Variants in SPMIP2 observed in about 807,000 individuals in gnomAD.
SPMIP2 encodes sperm microtubule inner protein 2.
chr4:158,987,589 T>C, the SPMIP2 span, among the ~76,000 whole-genome samples: 6 of 151,582 alleles, frequency 4.0e-5, no homozygotes, highest in South Asian at 4.2e-4. Flanking sequence ...TGAGAACACA[T>C]GGACACAGAA....
the SPMIP2 span, among the ~76,000 whole-genome samples, chr4:158,894,413 C>G: frequency 1.3e-5 from 2 of 151,950 alleles, no homozygotes; most frequent in Non-Finnish European, 2.9e-5. Flanking sequence ...CTCAAGTGAT[C>G]CTCCTACCTC....
At chr4:158,946,197 G>C in the SPMIP2 span, among the ~76,000 whole-genome samples, 1 of 152,108 alleles carries the variant, frequency 6.6e-6, no homozygotes, top group Non-Finnish European at 1.5e-5. Flanking sequence ...CCCCAACTTG[G>C]CATCAAGTAA....
chr4:159,038,389 T>G, the SPMIP2 span, among the ~76,000 whole-genome samples: 6 of 152,192 alleles, frequency 3.9e-5, no homozygotes, highest in Non-Finnish European at 7.3e-5. Flanking sequence ...TTCTTGTTAG[T>G]GTGATTGAAC....
chr4:158,932,053 G>A, the SPMIP2 span, among the ~76,000 whole-genome samples: 2 of 152,080 alleles, frequency 1.3e-5, no homozygotes, highest in East Asian at 3.9e-4. Context: ...ACTTTGGGAG[G>A]CTGAGGTGGG....
chr4:158,960,244 A>T, the SPMIP2 span: 1 of 1,179,402 alleles, frequency 8.5e-7, no homozygotes, highest in Admixed American at 2.1e-5. Flanking sequence ...AATTTAGGAA[A>T]GAAACACAGT....
chr4:159,060,782 G>A, the SPMIP2 span, among the ~76,000 whole-genome samples: 6 of 152,218 alleles, frequency 3.9e-5, no homozygotes, highest in Middle Eastern at 3.4e-3. Flanking sequence ...TCATAGAGTA[G>A]TATTAAGTAT....
At chr4:159,007,506 T>G in the SPMIP2 span, 4 of 820,394 alleles carry the variant, frequency 4.9e-6, no homozygotes, top group Non-Finnish European at 8.2e-6. Context: ...CACCTGATCC[T>G]CAAGATTGAA....
At chr4:159,005,761 G>T in the SPMIP2 span, among the ~76,000 whole-genome samples, 2 of 152,120 alleles carry the variant, frequency 1.3e-5, no homozygotes, top group Non-Finnish European at 2.9e-5. Context: ...AAAGTTATTT[G>T]TACCTGTTTT....
At chr4:158,914,776 G>A in the SPMIP2 span, among the ~76,000 whole-genome samples, 2 of 152,116 alleles carry the variant, frequency 1.3e-5, no homozygotes, top group African/African-American at 2.4e-5. Flanking sequence ...ATAGTTTAGG[G>A]GACAACCTAG....
chr4:159,075,130 G>T, the SPMIP2 span, among the ~76,000 whole-genome samples: 2 of 152,206 alleles, frequency 1.3e-5, 1 homozygote, highest in Middle Eastern at 6.3e-3. Flanking sequence ...AGAGTCCATT[G>T]ATGTAGTCCT....
the SPMIP2 span, among the ~76,000 whole-genome samples, chr4:159,045,265 A>G: frequency 6.6e-6 from 1 of 152,224 alleles, no homozygotes; most frequent in African/African-American, 2.4e-5. Context: ...TCTAATTACT[A>G]TAAAAAGTTT....
chr4:159,007,521 G>A, the SPMIP2 span: 1 of 869,364 alleles, frequency 1.2e-6, no homozygotes, highest in Non-Finnish European at 1.9e-6. Flanking sequence ...ATTGAAGATG[G>A]ATGATTTTGG....
chr4:158,946,333 G>T, the SPMIP2 span, among the ~76,000 whole-genome samples: 1 of 152,200 alleles, frequency 6.6e-6, no homozygotes, highest in East Asian at 1.9e-4. Flanking sequence ...TGCATTCTGA[G>T]ATGAAGAATA....
At chr4:159,026,410 C>G in the SPMIP2 span, 1 of 977,676 alleles carries the variant, frequency 1.0e-6, no homozygotes, top group Non-Finnish European at 1.6e-6. Context: ...GGTTCAGCAT[C>G]AGGAGTGGGA....
chr4:159,040,715 C>T, the SPMIP2 span, among the ~76,000 whole-genome samples: 1 of 152,280 alleles, frequency 6.6e-6, no homozygotes, highest in East Asian at 1.9e-4. Context: ...ATCCTCCTAC[C>T]TCAGCCTCCC....
chr4:159,025,270 T>C, the SPMIP2 span, among the ~76,000 whole-genome samples: 2 of 152,188 alleles, frequency 1.3e-5, no homozygotes, highest in Non-Finnish European at 2.9e-5. Context: ...GTTCAAGCAA[T>C]TCTCCTGCTT....
chr4:159,046,955 C>T, the SPMIP2 span, among the ~76,000 whole-genome samples: 2 of 152,144 alleles, frequency 1.3e-5, no homozygotes, highest in African/African-American at 4.8e-5. Context: ...GAAGAATGAT[C>T]GATCCATAAG....
the SPMIP2 span, among the ~76,000 whole-genome samples, chr4:159,010,079 G>C: frequency 6.6e-6 from 1 of 152,164 alleles, no homozygotes; most frequent in African/African-American, 2.4e-5. Context: ...GCAAAATCCC[G>C]GTGCTGAAAT....
chr4:158,946,375 ACCCAAATCGAAT>A, the SPMIP2 span, among the ~76,000 whole-genome samples: 1 of 150,046 alleles, frequency 6.7e-6, no homozygotes, highest in Non-Finnish European at 1.5e-5. Flanking sequence ...CTGTGTCCCC[ACCCAAATCGAAT>A]CCCAAATTGT....
Sources: allele counts gnomAD v4.1 joint callset (sites outside exome capture counted in the v4.1 genomes callset), GRCh38; gene constraint gnomAD v4.1.1; transcripts MANE v1.5; gene names NCBI Gene and HGNC (gene_info 2026-07-23, HGNC 2026-07-21).